ENPP2: variants seen among roughly 807,000 people sequenced by gnomAD.
ENPP2 encodes autotaxin.
In ENPP2, 51 loss-of-function variants were observed where a neutral mutation model predicts 120.2. The observed-to-expected ratio is 0.42, with a 90% CI of 0.34 to 0.54. ENPP2 has a LOEUF of 0.54. Among genes scored for constraint, ENPP2 ranks in the 20% least tolerant of loss-of-function variants. The pLI, the probability that ENPP2 is intolerant of heterozygous loss-of-function variation, is 0.04. For synonymous variants in ENPP2, 365 were observed against 366.4 expected (o/e 1.00, Z 0.04); for missense variants, 920 against 1,066.5 (o/e 0.86, Z 1.91).
In ENPP2 at chr8:119,673,334, C is replaced by G. The variant is rs1043636507; in HGVS notation, c.-62G>C. ...CTGCGGACGCGGCCTGGGCTGCAGC[C>G]CCGCGACCTGGGAGCTGTGCTCGGG... On this transcript the variant is annotated 5_prime_UTR_variant, in exon 1 of 26. Transcript: ENST00000427067. 67 of 1,530,508 alleles carry G rather than the reference C, an allele frequency of 4.4e-5. No homozygotes were observed. In the African/African-American group the frequency reaches 7.9e-4, roughly 18 times the overall value. The allele number at this position is 1,530,508 out of a possible 1,614,324, so 94.8% of individuals were successfully genotyped here.
chr8:119,660,166 T>A (rs555799135), intron 1 of ENPP2, among the ~76,000 whole-genome samples: 1 of 152,366 alleles, frequency 6.6e-6, no homozygotes, highest in East Asian at 1.9e-4. Flanking sequence ...ATGCTTTGGT[T>A]AACAACCTTT....
chr8:119,650,182 G>C (rs138208713), intron 1 of ENPP2, among the ~76,000 whole-genome samples: 23 of 152,266 alleles, frequency 1.5e-4, no homozygotes, highest in African/African-American at 5.3e-4. Flanking sequence ...CCTTATATGT[G>C]CTTCAGCATC....
At chr8:119,661,425 A>G (rs1817917186) in intron 1 of ENPP2, among the ~76,000 whole-genome samples, 1 of 152,194 alleles carries the variant, frequency 6.6e-6, no homozygotes, top group Non-Finnish European at 1.5e-5. Context: ...CAACATCACT[A>G]ATCATCAGGG....
At chr8:119,568,116 T>C (rs1338732511) in intron 22 of ENPP2, 59 bp downstream of exon 22, 2 of 900,172 alleles carry the variant, frequency 2.2e-6, no homozygotes, top group Admixed American at 3.8e-5. Context: ...AGGTAAGGGG[T>C]AAATTTAGAA....
chr8:119,583,918 G>A lies in ENPP2; in HGVS notation c.1455+44C>T, dbSNP rs552054392. On this transcript the variant is annotated intron_variant, in intron 16 of 24. Transcript: ENST00000075322. ...CACCACCATTACTTATCCTTTCGAAGAACCACTAAAACACAATTTCAATTC... is the reference window on the plus strand; with the variant it reads ...CACCACCATTACTTATCCTTTCGAAAAACCACTAAAACACAATTTCAATTC... 9 of 1,501,112 alleles carry A rather than the reference G, an allele frequency of 6.0e-6. No homozygotes were observed. In the East Asian group the frequency reaches 2.0e-4, roughly 34 times the overall value. The allele number at this position is 1,501,112 out of a possible 1,614,324, so 93.0% of individuals were successfully genotyped here. A position where few individuals can be genotyped will look rare whatever the true frequency, so the allele number is the denominator to read the frequency against.
chr8:119,622,470 C>T (rs373644571), intron 3 of ENPP2, among the ~76,000 whole-genome samples: 4 of 152,310 alleles, frequency 2.6e-5, no homozygotes, highest in African/African-American at 7.2e-5. Flanking sequence ...TCTGAACATA[C>T]CTGATTGACA....
chr8:119,617,359 A>C, intron 6 of ENPP2, 107 bp downstream of exon 6: 1 of 1,143,884 alleles, frequency 8.7e-7, no homozygotes. Context: ...TCAAATAATA[A>C]AACACATTTA....
chr8:119,645,974 C>CG (rs1279453499), intron 1 of ENPP2, among the ~76,000 whole-genome samples: 3 of 147,422 alleles, frequency 2.0e-5, no homozygotes, highest in Admixed American at 6.8e-5. Context: ...TCCTTCTAAA[C>CG]TTTTTTTTTT....
At chr8:119,610,903 TAAAA>T (rs541673414) in intron 8 of ENPP2, among the ~76,000 whole-genome samples, 111 of 136,532 alleles carry the variant, frequency 8.1e-4, no homozygotes, top group African/African-American at 2.9e-3. Flanking sequence ...ATTCTGTCTT[TAAAA>T]AAAAAAAAAA....
intron 19 of ENPP2, chr8:119,572,583 C>T (rs901099250): frequency 8.2e-5 from 20 of 244,340 alleles, no homozygotes; most frequent in Non-Finnish European, 1.5e-4. Context: ...AGCAACATTA[C>T]ACTATCATAT....
rs1813542644 is a variant in ENPP2 at position 119,557,257 on chromosome 8, C to G, written c.*264G>C. On this transcript the variant is annotated 3_prime_UTR_variant, in exon 25 of 25. Coordinates refer to ENST00000075322, the MANE Select transcript of ENPP2 (RefSeq NM_001040092.3). ...TTGGAAAATTAATATTTCCTCAATGCAAATATCAAATCTGCAGCACCATTT... is the reference window on the plus strand; with the variant it reads ...TTGGAAAATTAATATTTCCTCAATGGAAATATCAAATCTGCAGCACCATTT... 1 of 380,826 alleles carries G rather than the reference C, an allele frequency of 2.6e-6. No individual in the cohort carries two copies. The highest frequency in any genetic ancestry group is 4.7e-6 in the Non-Finnish European group (1 of 212,788). 23.6% of individuals were successfully genotyped at this position (380,826 alleles called of 1,614,324 possible).
chr8:119,611,268 T>C (rs1169746476), intron 8 of ENPP2, among the ~76,000 whole-genome samples: 1 of 152,264 alleles, frequency 6.6e-6, no homozygotes, highest in Non-Finnish European at 1.5e-5. Context: ...GTGCAGTCTT[T>C]CTAGCAGTTC....
rs1816296178 is a variant in ENPP2 at position 119,626,622 on chromosome 8, A to C, written c.235T>G (p.Leu79Val). 6.2e-7 allele frequency: 1 copy of C among 1,613,938 alleles called. No homozygotes were observed. Among genetic ancestry groups the C allele is most frequent in the Non-Finnish European group, 8.5e-7 (1 of 1,179,912 alleles). ...CAGCAACTGGTATAGCTCTTACACA[A>C]GTTGTCACAGCGACAATCAGGAGGT... ...AGPPDCRCDN[L>V]CKSYTSCCHD... Residue 79 changes from leucine to valine, a missense_variant, in exon 3 of 25, where the codon TTG becomes GTG. Leu to Val is a conservative substitution (Grantham distance 32). Transcript: ENST00000075322.
intron 8 of ENPP2, among the ~76,000 whole-genome samples, chr8:119,613,723 C>G (rs1037091339): frequency 6.6e-6 from 1 of 151,968 alleles, no homozygotes; most frequent in South Asian, 2.1e-4. Flanking sequence ...ACTAAAGTTT[C>G]TTTTTAATTA....
At chr8:119,644,587 A>AATAT (rs33966650) in intron 1 of ENPP2, among the ~76,000 whole-genome samples, 1,963 of 59,600 alleles carry the variant, frequency 0.033, 53 homozygotes, top group East Asian at 0.054. Context: ...AGATTACTAA[A>AATAT]ATATATATAT....
upstream of ENPP2, among the ~76,000 whole-genome samples, chr8:119,641,496 G>A (rs1433143572): frequency 6.6e-6 from 1 of 152,178 alleles, no homozygotes; most frequent in Non-Finnish European, 1.5e-5. Flanking sequence ...AACAAGAAGT[G>A]CATAAGAAAG....
At chr8:119,574,642 T>C (rs1812210368) in intron 19 of ENPP2, among the ~76,000 whole-genome samples, 1 of 152,098 alleles carries the variant, frequency 6.6e-6, no homozygotes, top group African/African-American at 2.4e-5. Context: ...TTGTGTTCCT[T>C]TTCCCTCCTC....
Position 119,596,126 on chromosome 8 carries a change from G to GA in ENPP2, c.973-2267dup, listed in dbSNP as rs1319668281. The GA allele has an allele frequency of 7.7e-6, 6 of 778,644 alleles. No homozygotes were observed. The Admixed American group carries it at 1.2e-4, about 15-fold the overall frequency. 48.2% of individuals were successfully genotyped at this position (778,644 alleles called of 1,614,324 possible). On this transcript the variant is annotated intron_variant, in intron 11 of 24. Transcript: ENST00000075322. ...AGAATAACTAAGGCTCCTTAAGTGAGAAAAAATTGGAATGAGGGATGGATG... is the reference window on the plus strand; with the variant it reads ...AGAATAACTAAGGCTCCTTAAGTGAGAAAAAAATTGGAATGAGGGATGGATG...
upstream of ENPP2, among the ~76,000 whole-genome samples, chr8:119,640,192 T>C (rs1817234308): frequency 6.6e-6 from 1 of 152,248 alleles, no homozygotes; most frequent in Non-Finnish European, 1.5e-5. Context: ...TTAATTGCCT[T>C]TCTAAAATCC....
Sources: allele counts gnomAD v4.1 joint callset (sites outside exome capture counted in the v4.1 genomes callset), GRCh38; gene constraint gnomAD v4.1.1; transcripts MANE v1.5; gene names NCBI Gene and HGNC (gene_info 2026-07-23, HGNC 2026-07-21).